RARB: variants seen among roughly 807,000 people sequenced by gnomAD.
RARB encodes HBV-activated protein.
In RARB, 17 loss-of-function variants were observed where a neutral mutation model predicts 51.9. The observed-to-expected ratio is 0.33, with a 90% confidence interval of 0.22 to 0.49. The LOEUF (loss-of-function observed/expected upper bound fraction) is 0.49, where lower values mean the gene tolerates loss of function less well. Among genes scored for constraint, RARB ranks in the 20% least tolerant of loss-of-function variants. RARB has a pLI of 0.99. For synonymous variants in RARB, 215 were observed against 195.4 expected, an observed-to-expected ratio of 1.10 and a Z score of -0.84; for missense variants, 369 against 550.8, an observed-to-expected ratio of 0.67 and a Z score of 3.30.
Position 25,174,347 on chromosome 3 carries a change from G to T in RARB, c.-51G>T. 4 of 1,326,670 alleles carry T rather than the reference G, an allele frequency of 3.0e-6. No individual in the cohort carries two copies. In the Admixed American group the frequency reaches 7.6e-5, roughly 25 times the overall value. The allele number at this position is 1,326,670 out of a possible 1,614,324, so 82.2% of individuals were successfully genotyped here. ...CTCCCTCACTTTGGTTTAAGACCTG[G>T]AGTGATGTGTTCCTGCTCCAGAGCA... is the stretch of plus-strand genomic sequence containing the variant. On this transcript the variant is annotated 5_prime_UTR_variant, in exon 5 of 12. Coordinates refer to the RARB transcript ENST00000383772.
intron 5 of RARB, among the ~76,000 whole-genome samples, chr3:25,267,146 T>G (rs2125409467): frequency 6.6e-6 from 1 of 152,316 alleles, no homozygotes; most frequent in Middle Eastern, 3.4e-3. Context: ...CTACAGCAGA[T>G]TGTACCGAGT....
chr3:24,911,406 C>T (rs1694986517), intron 2 of RARB, among the ~76,000 whole-genome samples: 1 of 152,094 alleles, frequency 6.6e-6, no homozygotes, highest in Non-Finnish European at 1.5e-5. Context: ...GATGCTAAAC[C>T]TGGAATGAGC....
At chr3:25,249,513 C>T (rs1416490766) in intron 5 of RARB, among the ~76,000 whole-genome samples, 6 of 151,798 alleles carry the variant, frequency 4.0e-5, no homozygotes, top group African/African-American at 1.5e-4. Context: ...TTTTTTGTTT[C>T]TTGTGTCCTT....
intron 5 of RARB, among the ~76,000 whole-genome samples, chr3:25,283,342 G>A (rs919123083): frequency 2.6e-5 from 4 of 152,140 alleles, no homozygotes; most frequent in Non-Finnish European, 5.9e-5. Context: ...CAACGTGTGG[G>A]CCTCTTCCAT....
intron 5 of RARB, among the ~76,000 whole-genome samples, chr3:25,345,405 G>A (rs975731925): frequency 2.0e-5 from 3 of 152,098 alleles, no homozygotes; most frequent in Non-Finnish European, 2.9e-5. Context: ...GGTGGCTCAC[G>A]CCTGTAATCC....
At chr3:24,945,566 G>C (rs917661769) in intron 2 of RARB, among the ~76,000 whole-genome samples, 3 of 152,224 alleles carry the variant, frequency 2.0e-5, no homozygotes, top group Non-Finnish European at 4.4e-5. Context: ...TGGGTGTCTT[G>C]TTTATCCAGT....
intron 3 of RARB, among the ~76,000 whole-genome samples, chr3:25,507,962 C>T (rs1053066487): frequency 6.6e-6 from 1 of 152,176 alleles, no homozygotes; most frequent in Admixed American, 6.5e-5. Flanking sequence ...CATTCCAGCT[C>T]CTTTCTTTCT....
intron 5 of RARB, among the ~76,000 whole-genome samples, chr3:25,184,370 G>T (rs1376515259): frequency 6.6e-6 from 1 of 152,146 alleles, no homozygotes; most frequent in African/African-American, 2.4e-5. Context: ...TTACCTGGCT[G>T]TTGTTTCATG....
chr3:25,171,440 A>ATTT (rs1157902711), intron 4 of RARB, among the ~76,000 whole-genome samples: 1,601 of 32,218 alleles, frequency 0.05, 265 homozygotes, highest in Non-Finnish European at 0.061. Flanking sequence ...CGACACATTG[A>ATTT]TTTTTTTTTT....
intron 2 of RARB, among the ~76,000 whole-genome samples, chr3:24,967,010 G>T (rs570493762): frequency 6.6e-6 from 1 of 152,218 alleles, no homozygotes; most frequent in African/African-American, 2.4e-5. Flanking sequence ...AAAATTAAAT[G>T]TGTCCATGTC....
chr3:25,281,315 C>A (rs1366922784), intron 5 of RARB, among the ~76,000 whole-genome samples: 3 of 152,196 alleles, frequency 2.0e-5, no homozygotes, highest in African/African-American at 7.2e-5. Context: ...TGTAGACTTT[C>A]ATTCCACAAT....
At chr3:25,137,588 GC>G (rs1460198847) in intron 4 of RARB, among the ~76,000 whole-genome samples, 2 of 152,028 alleles carry the variant, frequency 1.3e-5, no homozygotes, top group East Asian at 3.9e-4. Flanking sequence ...AGTTTGAAGA[GC>G]TTTATAAATT....
At chr3:25,591,349 G>T (rs941791151) in intron 5 of RARB, among the ~76,000 whole-genome samples, 1 of 152,202 alleles carries the variant, frequency 6.6e-6, no homozygotes. Flanking sequence ...ACAGCAGGCA[G>T]GCCAACGTGA....
At chr3:25,142,914 C>G (rs1230578143) in intron 4 of RARB, among the ~76,000 whole-genome samples, 1 of 152,070 alleles carries the variant, frequency 6.6e-6, no homozygotes, top group Non-Finnish European at 1.5e-5. Flanking sequence ...TGCTGGATGG[C>G]TGATCCAGTC....
At chr3:25,426,225 G>A (rs1052451435), upstream of RARB, among the ~76,000 whole-genome samples, 2 of 152,158 alleles carry the variant, frequency 1.3e-5, no homozygotes, top group Admixed American at 1.3e-4. Flanking sequence ...TGCTTAAAAT[G>A]TGTGTTTTCT....
chr3:25,359,468 G>T (rs1356221794), intron 5 of RARB, among the ~76,000 whole-genome samples: 5 of 151,090 alleles, frequency 3.3e-5, no homozygotes, highest in African/African-American at 1.2e-4. Context: ...TCAATTCTCT[G>T]TCTCTTTCAG....
chr3:25,547,405 C>T (rs1699660186), intron 3 of RARB, among the ~76,000 whole-genome samples: 4 of 152,182 alleles, frequency 2.6e-5, no homozygotes, highest in Admixed American at 2.6e-4. Flanking sequence ...GTACTTGGCC[C>T]TGGTAAATGC....
chr3:25,503,593 T>A (rs1282758295), intron 3 of RARB, among the ~76,000 whole-genome samples: 1 of 152,130 alleles, frequency 6.6e-6, no homozygotes, highest in Non-Finnish European at 1.5e-5. Context: ...TAATTAGATT[T>A]AAAAATATAG....
chr3:24,905,914 G>C (rs1559390436), intron 2 of RARB, among the ~76,000 whole-genome samples: 1 of 152,180 alleles, frequency 6.6e-6, no homozygotes, highest in Non-Finnish European at 1.5e-5. Context: ...AAGTAATTAA[G>C]ACTTGAGGTT....
Sources: allele counts gnomAD v4.1 joint callset (sites outside exome capture counted in the v4.1 genomes callset), GRCh38; gene constraint gnomAD v4.1.1; transcripts MANE v1.5; gene names NCBI Gene and HGNC (gene_info 2026-07-23, HGNC 2026-07-21).